TMEM232: variants seen among roughly 807,000 people sequenced by gnomAD.
TMEM232 encodes transmembrane protein 232.
Under a neutral mutation model 78.8 loss-of-function variants are expected in TMEM232, and 80 were observed. That is an observed-to-expected ratio of 1.01 (90% CI 0.85 to 1.22). The LOEUF is 1.22. Ranked by LOEUF, TMEM232 falls within the 50% of genes most tolerant of loss-of-function variation. TMEM232 has a pLI of 0.00. For missense variants in TMEM232, 881 were observed against 742.2 expected (o/e 1.19, Z -2.17); for synonymous variants, 297 against 254.3 (o/e 1.17, Z -1.60).
intron 11 of TMEM232, among the ~76,000 whole-genome samples, chr5:110,554,593 C>T (rs1031423781): frequency 4.7e-4 from 72 of 152,038 alleles, no homozygotes; most frequent in African/African-American, 6.0e-4. Flanking sequence ...AATGTTTATC[C>T]GGGATATTGG....
At chr5:110,523,476 GTTTA>G (rs556505626) in intron 12 of TMEM232, among the ~76,000 whole-genome samples, 44 of 151,914 alleles carry the variant, frequency 2.9e-4, no homozygotes, top group South Asian at 8.3e-4. Flanking sequence ...AATTTAGGTT[GTTTA>G]TTTGAGATTT....
intron 1 of TMEM232, among the ~76,000 whole-genome samples, chr5:110,723,283 A>C (rs535386913): frequency 6.6e-6 from 1 of 152,176 alleles, no homozygotes; most frequent in Non-Finnish European, 1.5e-5. Context: ...GCATTAGACC[A>C]GTTGACACAT....
At chr5:110,561,358 A>G (rs1319028027) in intron 11 of TMEM232, among the ~76,000 whole-genome samples, 2 of 151,918 alleles carry the variant, frequency 1.3e-5, no homozygotes, top group South Asian at 2.1e-4. Context: ...CCTCATCTGT[A>G]AAATCAAGAC....
intron 10 of TMEM232, among the ~76,000 whole-genome samples, chr5:110,601,436 TAAAC>T (rs1780882941): frequency 6.6e-6 from 1 of 152,154 alleles, no homozygotes; most frequent in Non-Finnish European, 1.5e-5. Context: ...CTCAAGCTGA[TAAAC>T]AACTTCAGCA....
chr5:110,673,773 C>T (rs1422090473), intron 1 of TMEM232, among the ~76,000 whole-genome samples: 1 of 152,152 alleles, frequency 6.6e-6, no homozygotes, highest in East Asian at 1.9e-4. Context: ...AAGCATACGC[C>T]TATCAGTTAA....
intron 12 of TMEM232, among the ~76,000 whole-genome samples, chr5:110,515,501 C>T (rs898288833): frequency 1.1e-4 from 17 of 152,160 alleles, no homozygotes; most frequent in African/African-American, 4.1e-4. Flanking sequence ...AGTTTACACT[C>T]TTATAAGAAG....
intron 11 of TMEM232, among the ~76,000 whole-genome samples, chr5:110,534,436 T>C (rs1306080791): frequency 1.3e-5 from 2 of 152,194 alleles, no homozygotes; most frequent in Non-Finnish European, 2.9e-5. Context: ...CTTCTCAGAA[T>C]TCAGGCCTGT....
At chr5:110,708,227 T>C (rs1381711905) in intron 1 of TMEM232, among the ~76,000 whole-genome samples, 2 of 152,178 alleles carry the variant, frequency 1.3e-5, no homozygotes, top group Admixed American at 1.3e-4. Context: ...GAATCCTGAA[T>C]AGTATATATC....
intron 11 of TMEM232, among the ~76,000 whole-genome samples, chr5:110,559,952 C>T (rs549514002): frequency 6.6e-6 from 1 of 152,254 alleles, no homozygotes; most frequent in African/African-American, 2.4e-5. Context: ...ATCCCTGTGT[C>T]TTTGTTTTCA....
chr5:110,654,301 T>C (rs1043885177), intron 2 of TMEM232, among the ~76,000 whole-genome samples: 2 of 152,240 alleles, frequency 1.3e-5, no homozygotes, highest in African/African-American at 4.8e-5. Flanking sequence ...TTTAAGTCTT[T>C]AATCCATCTT....
chr5:110,505,296 C>T (rs1197262087), intron 12 of TMEM232, among the ~76,000 whole-genome samples: 2 of 152,152 alleles, frequency 1.3e-5, no homozygotes, highest in Middle Eastern at 3.2e-3. Context: ...CCCTTCTCTA[C>T]TACTGTATGT....
chr5:110,662,890 T>C (rs1388756593), intron 2 of TMEM232, among the ~76,000 whole-genome samples: 2 of 151,800 alleles, frequency 1.3e-5, no homozygotes, highest in African/African-American at 4.8e-5. Context: ...TATACAAGAC[T>C]ATCTACACGA....
intron 1 of TMEM232, among the ~76,000 whole-genome samples, chr5:110,705,595 C>T (rs926119629): frequency 6.7e-6 from 1 of 150,178 alleles, no homozygotes; most frequent in African/African-American, 2.4e-5. Flanking sequence ...ACATGACCAA[C>T]CATTTTGGAT....
chr5:110,603,035 A>G (rs774675876), intron 10 of TMEM232, among the ~76,000 whole-genome samples: 57 of 152,194 alleles, frequency 3.7e-4, no homozygotes, highest in South Asian at 1.0e-3. Flanking sequence ...GCAAACTCAC[A>G]TAGGAACAGA....
At chr5:110,687,277 CTT>C (rs1183031771) in intron 1 of TMEM232, among the ~76,000 whole-genome samples, 1 of 144,490 alleles carries the variant, frequency 6.9e-6, no homozygotes, top group Non-Finnish European at 1.6e-5. Context: ...GGAACTGCCT[CTT>C]CTTTCCTTTA....
intron 12 of TMEM232, among the ~76,000 whole-genome samples, chr5:110,481,698 A>G (rs945774186): frequency 6.6e-6 from 1 of 152,212 alleles, no homozygotes; most frequent in Non-Finnish European, 1.5e-5. Context: ...AGAACATGGG[A>G]AAGCACTTAG....
intron 1 of TMEM232, among the ~76,000 whole-genome samples, chr5:110,723,597 C>A (rs1270045361): frequency 1.3e-5 from 2 of 152,136 alleles, no homozygotes; most frequent in Non-Finnish European, 1.5e-5. Flanking sequence ...CTTCTGTTTA[C>A]ACAACTCTCC....
intron 1 of TMEM232, among the ~76,000 whole-genome samples, chr5:110,690,162 T>C (rs947672708): frequency 3.3e-5 from 5 of 152,188 alleles, no homozygotes; most frequent in Admixed American, 1.3e-4. Flanking sequence ...AAAGAGCTTC[T>C]AGACAGCGAA....
At chr5:110,482,538 G>A (rs975555881) in intron 12 of TMEM232, among the ~76,000 whole-genome samples, 4 of 149,514 alleles carry the variant, frequency 2.7e-5, no homozygotes, top group Non-Finnish European at 4.4e-5. Context: ...CCGAGATTGC[G>A]GCACTGCACT....
Sources: gnomAD v4.1 joint callset for allele counts (sites outside exome capture counted in the v4.1 genomes callset) on GRCh38, gnomAD v4.1.1 for gene constraint, MANE v1.5 for transcripts, NCBI Gene and HGNC (gene_info 2026-07-23, HGNC 2026-07-21) for gene names.